The following GPHN variants were observed in gnomAD, a reference collection of about 807,000 sequenced individuals.
GPHN encodes gephyrin.
A neutral mutation model predicts 95.5 loss-of-function variants in GPHN; 17 were observed. That is an observed-to-expected ratio of 0.18 (90% CI 0.12 to 0.27). GPHN has a LOEUF of 0.27. Among genes scored for constraint, GPHN ranks in the 10% least tolerant of loss-of-function variants. The pLI, the probability that GPHN is intolerant of heterozygous loss-of-function variation, is 1.00. For synonymous variants in GPHN, 320 were observed against 322.5 expected, an observed-to-expected ratio of 0.99 and a Z score of 0.08; for missense variants, 660 against 978.1, an observed-to-expected ratio of 0.67 and a Z score of 4.34.
chr14:66,590,968 C>G (rs575782801), intron 1 of GPHN, among the ~76,000 whole-genome samples: 26 of 152,210 alleles, frequency 1.7e-4, no homozygotes, highest in African/African-American at 5.3e-4. Context: ...ATAATCAAGT[C>G]GGCTTTATCT....
At chr14:66,955,400 T>C (rs576694776) in intron 8 of GPHN, among the ~76,000 whole-genome samples, 28 of 152,338 alleles carry the variant, frequency 1.8e-4, no homozygotes, top group Admixed American at 3.3e-4. Flanking sequence ...CAGTTGTTCC[T>C]AGTATTTAAT....
the GPHN span, chr14:67,201,507 G>C: frequency 4.4e-6 from 2 of 455,922 alleles, no homozygotes; most frequent in Admixed American, 2.4e-5. Context: ...TCTCATCCTG[G>C]TGGCTCTGTC....
the GPHN span, chr14:67,584,208 TA>T: frequency 7.2e-7 from 1 of 1,386,220 alleles, no homozygotes; most frequent in Non-Finnish European, 1.0e-6. Flanking sequence ...TTGCAGCCCC[TA>T]CCTCCATACC....
chr14:67,664,954 A>C, the GPHN span, among the ~76,000 whole-genome samples: 4 of 151,216 alleles, frequency 2.6e-5, no homozygotes, highest in African/African-American at 9.7e-5. Context: ...GCAAACTCCA[A>C]CTCCTGGGTT....
chr14:66,688,720 A>C (rs981712522), intron 2 of GPHN, among the ~76,000 whole-genome samples: 2 of 152,144 alleles, frequency 1.3e-5, no homozygotes, highest in Non-Finnish European at 2.9e-5. Flanking sequence ...TATGACTGGG[A>C]CTTCCAGTAC....
At chr14:66,546,179 CG>C (rs2059587892) in intron 1 of GPHN, among the ~76,000 whole-genome samples, 1 of 151,278 alleles carries the variant, frequency 6.6e-6, no homozygotes. Flanking sequence ...GGATGGCGGC[CG>C]GGAAGAGGCG....
chr14:67,166,495 T>G (rs2082284558), intron 20 of GPHN, among the ~76,000 whole-genome samples: 1 of 152,202 alleles, frequency 6.6e-6, no homozygotes, highest in Admixed American at 6.5e-5. Context: ...GTTTTCAAAT[T>G]CCTACTTTTA....
At chr14:66,509,879 T>C (rs1035317323) in intron 1 of GPHN, among the ~76,000 whole-genome samples, 2 of 152,170 alleles carry the variant, frequency 1.3e-5, no homozygotes, top group Non-Finnish European at 2.9e-5. Context: ...CCGGCAGATA[T>C]TGAGTGCAAA....
chr14:67,685,067 G>A, the GPHN span: 2 of 1,614,190 alleles, frequency 1.2e-6, no homozygotes, highest in Non-Finnish European at 1.7e-6. Context: ...GCACAGTGCA[G>A]GCTGGTCTGG....
chr14:66,613,300 T>C (rs2062862483), intron 1 of GPHN, among the ~76,000 whole-genome samples: 1 of 152,098 alleles, frequency 6.6e-6, no homozygotes, highest in African/African-American at 2.4e-5. Context: ...ATAAACTTTA[T>C]CTAAAATGTA....
intron 1 of GPHN, among the ~76,000 whole-genome samples, chr14:66,512,581 C>T (rs1010296199): frequency 6.6e-6 from 1 of 151,666 alleles, no homozygotes; most frequent in Non-Finnish European, 1.5e-5. Context: ...ATTTTAATTG[C>T]ACTAACCTGT....
the GPHN span, chr14:67,359,663 C>T: frequency 6.2e-7 from 1 of 1,614,046 alleles, no homozygotes; most frequent in African/African-American, 1.3e-5. Flanking sequence ...CTTACATTCG[C>T]GAGGGAAAGA....
At chr14:66,942,533 C>T (rs2067486837) in intron 8 of GPHN, among the ~76,000 whole-genome samples, 1 of 152,140 alleles carries the variant, frequency 6.6e-6, no homozygotes, top group African/African-American at 2.4e-5. Context: ...AGGGTAGTTA[C>T]AGTTAGAATC....
chr14:66,778,582 C>A (rs1358252210), intron 3 of GPHN, among the ~76,000 whole-genome samples: 1 of 152,004 alleles, frequency 6.6e-6, no homozygotes, highest in Non-Finnish European at 1.5e-5. Flanking sequence ...AAATTGTTAA[C>A]AATGACATGT....
intron 3 of GPHN, among the ~76,000 whole-genome samples, chr14:66,813,056 C>CT (rs2060825208): frequency 6.6e-6 from 1 of 152,142 alleles, no homozygotes; most frequent in Admixed American, 6.6e-5. Flanking sequence ...CACTGACAGT[C>CT]TGATTCCTTT....
At chr14:66,740,236 A>G (rs2072678404) in intron 2 of GPHN, among the ~76,000 whole-genome samples, 1 of 152,150 alleles carries the variant, frequency 6.6e-6, no homozygotes, top group Admixed American at 6.5e-5. Flanking sequence ...AGAAAACAAA[A>G]GGAAAAACAT....
Position 67,169,661 on chromosome 14 carries a change from T to C in GPHN, c.2079+625T>C, listed in dbSNP as rs187307277. Among the ~76,000 whole-genome samples the C allele has an allele frequency of 5.9e-5, 9 of 152,386 alleles. No individual in the cohort carries two copies. The East Asian group carries it at 1.7e-3, about 29-fold the overall frequency. On this transcript the variant is annotated intron_variant, in intron 21 of 22. Transcript: ENST00000478722. ...TGTTATACACTTTCTCTGTGACTAA[T>C]GAATAATGTTCTTAGCAGTATAAAC...
chr14:67,243,207 G>A, the GPHN span, among the ~76,000 whole-genome samples: 2 of 146,698 alleles, frequency 1.4e-5, no homozygotes, highest in Non-Finnish European at 3.0e-5. Context: ...TTTTTTTTGT[G>A]AGACATAGTC....
Position 67,097,088 on chromosome 14 carries a change from A to T in GPHN, c.1238-3768A>T, listed in dbSNP as rs574349702. On this transcript the variant is annotated intron_variant, in intron 12 of 22. Transcript: ENST00000478722. The stretch of plus-strand genomic sequence containing the variant: ...TTTTTGAATACTTAACATATTGAAC[A>T]TTTATTTAACACCTATTGTACAGCA... Among the ~76,000 whole-genome samples, 5 of 152,272 alleles carry T rather than the reference A, an allele frequency of 3.3e-5. No individual in the cohort carries two copies. In the East Asian group the frequency reaches 7.7e-4, roughly 24 times the overall value.
Sources: gnomAD v4.1 joint callset for allele counts (sites outside exome capture counted in the v4.1 genomes callset) on GRCh38, gnomAD v4.1.1 for gene constraint, MANE v1.5 for transcripts, NCBI Gene and HGNC (gene_info 2026-07-23, HGNC 2026-07-21) for gene names.